FBXW11: variants seen among roughly 807,000 people sequenced by gnomAD.
FBXW11 encodes the protein F-box and WD repeat domain containing 11, also known as F-box/WD repeat-containing protein 11.
FBXW11 carries 19 observed loss-of-function variants against 77.6 expected under a neutral mutation model. The ratio of observed to expected loss-of-function variants is 0.24; its 90% CI spans 0.17 to 0.36. The LOEUF is 0.36. Ranked by LOEUF, FBXW11 falls within the 10% of genes least tolerant of loss-of-function variation. FBXW11 has a pLI of 1.00. For synonymous variants in FBXW11, 235 were observed against 249.4 expected (o/e 0.94, Z 0.54); for missense variants, 334 against 704.2 (o/e 0.47, Z 5.95).
rs1581171326 is a variant in FBXW11 at position 171,900,099 on chromosome 5, C to T, written c.438G>A (p.Glu146=). The T allele has an allele frequency of 1.9e-6, 3 of 1,596,208 alleles. No individual in the cohort carries two copies. Among genetic ancestry groups the T allele is most frequent in the Non-Finnish European group, 2.6e-6 (3 of 1,170,304 alleles). ...LQRDFITALP[E]QGLDHIAENI... ...TTTCTGCTATGTGATCTAAGCCTTG[C>T]TCTACAAAACAGAAAAGGGAATGAA... Residue 146 remains glutamate (E), a splice_region_variant and synonymous_variant, in exon 5 of 14, where the codon GAG becomes GAA. Coordinates refer to ENST00000517395, the MANE Select transcript of FBXW11 (RefSeq NM_001378974.1).
intron 1 of FBXW11, 47 bp downstream of exon 1, chr5:172,006,410 CG>C (rs1239158092): frequency 3.3e-6 from 5 of 1,502,502 alleles, no homozygotes; most frequent in South Asian, 2.5e-5. Flanking sequence ...CAGGCCCGCC[CG>C]GGGCCGGACG....
chr5:171,982,594 C>G (rs956118470), intron 1 of FBXW11, among the ~76,000 whole-genome samples: 1 of 152,146 alleles, frequency 6.6e-6, no homozygotes, highest in East Asian at 1.9e-4. Flanking sequence ...ACTAAAAATA[C>G]CAAGTGATGG....
At chr5:171,896,086 A>G (rs1418115849) in intron 6 of FBXW11, among the ~76,000 whole-genome samples, 2 of 152,168 alleles carry the variant, frequency 1.3e-5, no homozygotes, top group Non-Finnish European at 2.9e-5. Context: ...ATTTTCCCTT[A>G]AAATTAAGCC....
intron 2 of FBXW11, among the ~76,000 whole-genome samples, chr5:171,933,025 T>A (rs1354960473): frequency 7.0e-6 from 1 of 142,990 alleles, no homozygotes; most frequent in African/African-American, 2.6e-5. Flanking sequence ...CAGCTACTTG[T>A]GAGGCTGAGG....
At chr5:171,935,031 G>A (rs1039349302) in intron 2 of FBXW11, among the ~76,000 whole-genome samples, 18 of 152,108 alleles carry the variant, frequency 1.2e-4, no homozygotes, top group Non-Finnish European at 2.1e-4. Context: ...TGATCTCACT[G>A]CAAGCTCCGC....
chr5:171,923,520 A>G (rs1761711367), intron 2 of FBXW11, among the ~76,000 whole-genome samples: 1 of 152,174 alleles, frequency 6.6e-6, no homozygotes, highest in Non-Finnish European at 1.5e-5. Flanking sequence ...TACCTTGTAC[A>G]TTTTCATTTA....
intron 12 of FBXW11, 152 bp from the exon 13 acceptor site, chr5:171,868,948 A>C: frequency 1.6e-6 from 1 of 625,012 alleles, no homozygotes; most frequent in Non-Finnish European, 2.6e-6. Flanking sequence ...CTTCATCCCA[A>C]GAACAAATGT....
At chr5:171,875,044 G>A (rs1325264082) in intron 9 of FBXW11, among the ~76,000 whole-genome samples, 1 of 152,124 alleles carries the variant, frequency 6.6e-6, no homozygotes, top group Non-Finnish European at 1.5e-5. Flanking sequence ...ATTTGTAATA[G>A]TCAAAAAAAT....
intron 3 of FBXW11, among the ~76,000 whole-genome samples, chr5:171,913,315 T>A (rs1279397922): frequency 6.6e-6 from 1 of 152,242 alleles, no homozygotes; most frequent in Admixed American, 6.5e-5. Context: ...CCTAGAGTGT[T>A]TGTATAACTA....
intron 2 of FBXW11, among the ~76,000 whole-genome samples, chr5:171,957,077 A>C (rs147482731): frequency 6.6e-6 from 1 of 152,348 alleles, no homozygotes; most frequent in East Asian, 1.9e-4. Flanking sequence ...GAGGTGGCCC[A>C]AACTGACAAA....
At chr5:171,883,326 T>A (rs1384307964) in intron 7 of FBXW11, among the ~76,000 whole-genome samples, 12 of 152,194 alleles carry the variant, frequency 7.9e-5, no homozygotes, top group Non-Finnish European at 1.6e-4. Flanking sequence ...CTGGATCAAA[T>A]GGTAGTTCTA....
chr5:171,979,062 T>C (rs62384562), intron 1 of FBXW11, among the ~76,000 whole-genome samples: 2,438 of 152,254 alleles, frequency 0.016, 31 homozygotes, highest in Middle Eastern at 0.031. Flanking sequence ...TTTGGCTATA[T>C]GAAATACTCA....
At chr5:171,942,501 C>T (rs151076676) in intron 2 of FBXW11, among the ~76,000 whole-genome samples, 50 of 152,232 alleles carry the variant, frequency 3.3e-4, no homozygotes, top group African/African-American at 1.1e-3. Flanking sequence ...ATCATAAAAG[C>T]GATTGCTGTT....
chr5:171,880,431 T>C (rs1345649432), intron 7 of FBXW11, among the ~76,000 whole-genome samples: 1 of 152,296 alleles, frequency 6.6e-6, no homozygotes, highest in East Asian at 1.9e-4. Flanking sequence ...CTTGTCCATA[T>C]AAACATTACA....
At chr5:171,898,939 A>C (rs1759930059) in intron 6 of FBXW11, 65 bp downstream of exon 6, 1 of 1,065,918 alleles carries the variant, frequency 9.4e-7, no homozygotes, top group Admixed American at 2.5e-5. Flanking sequence ...GAACACTCTA[A>C]GGCAACATAA....
At chr5:171,927,756 A>G (rs1166082690) in intron 2 of FBXW11, among the ~76,000 whole-genome samples, 1 of 152,166 alleles carries the variant, frequency 6.6e-6, no homozygotes, top group African/African-American at 2.4e-5. Flanking sequence ...GTAGTAACAA[A>G]CATTACATTT....
rs1325362072 is a variant in FBXW11, at chr5:171,890,127, G to A, written c.852+1340C>T. 2.0e-5 allele frequency among the ~76,000 whole-genome samples: 3 copies of A among 152,054 alleles called. No individual in the cohort carries two copies. In the East Asian group the frequency reaches 5.8e-4, roughly 29 times the overall value. ...TAAAAAGATGCTCACTATCATCACT[G>A]GGGAAATGTGAATTTAAAGCAAAAT... is the stretch of plus-strand genomic sequence containing the variant. On this transcript the variant is annotated intron_variant, in intron 7 of 13. Coordinates refer to ENST00000517395, the MANE Select transcript of FBXW11 (RefSeq NM_001378974.1).
At chr5:171,882,368 A>C (rs542445975) in intron 7 of FBXW11, among the ~76,000 whole-genome samples, 2 of 152,318 alleles carry the variant, frequency 1.3e-5, no homozygotes, top group South Asian at 2.1e-4. Context: ...TGACACAATC[A>C]CAGCTTACTG....
rs1387694652 is a variant in FBXW11, at chr5:171,933,650, A to G, written c.148-19245T>C. ...GGAAGTATTCTAGGATCCTGCAAGA[A>G]AAGAATTTTTAATAACATCCAAAGG... On this transcript the variant is annotated intron_variant, in intron 2 of 13. Transcript: ENST00000517395. 2.6e-5 allele frequency among the ~76,000 whole-genome samples: 4 copies of G among 152,270 alleles called. No homozygotes were observed. The East Asian group carries it at 7.7e-4, about 29-fold the overall frequency.
Sources: allele counts gnomAD v4.1 joint callset (sites outside exome capture counted in the v4.1 genomes callset), GRCh38; gene constraint gnomAD v4.1.1; transcripts MANE v1.5; gene names NCBI Gene and HGNC (gene_info 2026-07-23, HGNC 2026-07-21).